The following HOOK3 variants were observed in gnomAD, a reference collection of about 807,000 sequenced individuals.
HOOK3 encodes the protein protein Hook homolog 3.
In HOOK3, 24 loss-of-function variants were observed where a neutral mutation model predicts 116.3. That is an observed-to-expected ratio of 0.21 (90% CI 0.15 to 0.29). The LOEUF is 0.29. Ranked by LOEUF, HOOK3 falls within the 10% of genes least tolerant of loss-of-function variation. HOOK3 has a pLI of 1.00. For missense variants in HOOK3, 632 were observed against 830.2 expected (o/e 0.76, Z 2.93); for synonymous variants, 275 against 283.0 (o/e 0.97, Z 0.28).
At chr8:42,921,179 G>A (rs1254546348) in intron 2 of HOOK3, among the ~76,000 whole-genome samples, 3 of 149,482 alleles carry the variant, frequency 2.0e-5, no homozygotes. Context: ...TTTTTTTAAA[G>A]TAAGGGATTT....
At chr8:42,965,087 C>A (rs1022262516) in intron 9 of HOOK3, among the ~76,000 whole-genome samples, 2 of 152,168 alleles carry the variant, frequency 1.3e-5, no homozygotes, top group East Asian at 3.8e-4. Context: ...CAAGAAAGAC[C>A]GAGGAAGAAC....
rs956168733 is a variant in HOOK3 at position 43,022,669 on chromosome 8, C to T, written c.*4171C>T. The T allele has an allele frequency of 1.6e-5, 3 of 182,516 alleles. No individual in the cohort carries two copies. Among genetic ancestry groups the T allele is most frequent in the Non-Finnish European group, 2.3e-5 (2 of 85,864 alleles). 11.3% of individuals were successfully genotyped at this position (182,516 alleles called of 1,614,324 possible). A position where few individuals can be genotyped will look rare whatever the true frequency, so the allele number is the denominator to read the frequency against. On this transcript the variant is annotated 3_prime_UTR_variant, in exon 22 of 22. Coordinates refer to ENST00000307602, the MANE Select transcript of HOOK3 (RefSeq NM_032410.4). ...CATATTTTTAAAGAACTTTGAAAAA[C>T]TCCGTCATATCTTTTACCATTTGTC...
intron 6 of HOOK3, among the ~76,000 whole-genome samples, chr8:42,955,695 A>G (rs1396298549): frequency 6.6e-5 from 10 of 152,134 alleles, no homozygotes; most frequent in Non-Finnish European, 7.4e-5. Context: ...AGACTGAAAG[A>G]CAAGAAGAAA....
intron 2 of HOOK3, among the ~76,000 whole-genome samples, chr8:42,925,068 G>GT (rs1296184509): frequency 6.6e-6 from 1 of 151,984 alleles, no homozygotes; most frequent in East Asian, 1.9e-4. Flanking sequence ...ATTCTTGACT[G>GT]TTTTTTTGTT....
chr8:42,897,336 A>G (rs936697987), intron 1 of HOOK3, 148 bp downstream of exon 1: 2 of 451,624 alleles, frequency 4.4e-6, no homozygotes, highest in Non-Finnish European at 7.2e-6. Flanking sequence ...GGCTCGGCCC[A>G]GGGTCCGAGA....
At chr8:42,940,815 G>C (rs938673817) in intron 4 of HOOK3, among the ~76,000 whole-genome samples, 2 of 152,154 alleles carry the variant, frequency 1.3e-5, no homozygotes, top group African/African-American at 4.8e-5. Flanking sequence ...GGTTGGGGAA[G>C]TTTTCCTAGA....
intron 2 of HOOK3, among the ~76,000 whole-genome samples, chr8:42,907,343 G>C (rs369742786): frequency 6.6e-6 from 1 of 152,068 alleles, no homozygotes. Context: ...TTAGAACTGG[G>C]GACTCGTGTT....
chr8:42,915,251 A>G (rs1233289164), intron 2 of HOOK3, among the ~76,000 whole-genome samples: 1 of 151,854 alleles, frequency 6.6e-6, no homozygotes, highest in African/African-American at 2.4e-5. Flanking sequence ...GGTGGCGCAT[A>G]CTTGTAGTCC....
At chr8:42,962,047 A>G (rs545281010) in intron 8 of HOOK3, among the ~76,000 whole-genome samples, 16 of 151,936 alleles carry the variant, frequency 1.1e-4, no homozygotes, top group African/African-American at 3.6e-4. Flanking sequence ...TCCGTCTCCC[A>G]AAGTGCTGGG....
intron 17 of HOOK3, among the ~76,000 whole-genome samples, chr8:43,006,776 A>C (rs559942971): frequency 1.3e-5 from 2 of 152,304 alleles, no homozygotes; most frequent in Non-Finnish European, 2.9e-5. Context: ...TTATTAAAGC[A>C]TCATGCATAG....
At chr8:42,920,280 G>T (rs567600354) in intron 2 of HOOK3, among the ~76,000 whole-genome samples, 1 of 152,228 alleles carries the variant, frequency 6.6e-6, no homozygotes, top group Admixed American at 6.5e-5. Context: ...TTTTATTCGA[G>T]CCTGCGACCA....
intron 17 of HOOK3, among the ~76,000 whole-genome samples, chr8:43,003,821 A>G (rs1331768764): frequency 1.3e-5 from 2 of 152,070 alleles, no homozygotes; most frequent in African/African-American, 2.4e-5. Context: ...CCACCTTCAC[A>G]TGTCATTCTT....
intron 5 of HOOK3, among the ~76,000 whole-genome samples, chr8:42,949,864 C>T (rs1788136685): frequency 6.6e-6 from 1 of 151,580 alleles, no homozygotes; most frequent in Non-Finnish European, 1.5e-5. Flanking sequence ...TTGCAGTGAG[C>T]CGAGATGGCG....
At position 43,026,756 on chromosome 8, in the gene HOOK3, C is replaced by T. The variant is rs1371567125; in HGVS notation, c.*8258C>T. On this transcript the variant is annotated 3_prime_UTR_variant, in exon 22 of 22. Coordinates refer to ENST00000307602, the MANE Select transcript of HOOK3 (RefSeq NM_032410.4). ...AGCCAAGTTCTGGGAGCTGTCAAGT[C>T]GGAGGATCAGGAAAATGGTGGGGAA... 4.4e-6 allele frequency: 1 copy of T among 228,276 alleles called. No homozygotes were observed. Among genetic ancestry groups the T allele is most frequent in the African/African-American group, 2.2e-5 (1 of 45,048 alleles). The allele number at this position is 228,276 out of a possible 1,614,324, so 14.1% of individuals were successfully genotyped here.
chr8:42,959,404 A>G, intron 8 of HOOK3, 90 bp downstream of exon 8: 1 of 842,274 alleles, frequency 1.2e-6, no homozygotes, highest in Non-Finnish European at 1.9e-6. Context: ...AGTACATCTT[A>G]ACTATAACGC....
chr8:42,899,356 T>A (rs935292566), intron 1 of HOOK3, among the ~76,000 whole-genome samples: 4 of 152,208 alleles, frequency 2.6e-5, no homozygotes, highest in African/African-American at 7.2e-5. Context: ...TCAATGAGAA[T>A]TTCTGGATAA....
chr8:42,959,845 C>T (rs1044011687), intron 8 of HOOK3, among the ~76,000 whole-genome samples: 3 of 151,018 alleles, frequency 2.0e-5, no homozygotes, highest in African/African-American at 4.9e-5. Flanking sequence ...AAGAGGGGGA[C>T]ATACATGGGA....
intron 15 of HOOK3, among the ~76,000 whole-genome samples, chr8:42,990,323 A>ATTTTTTTTTTTTTTTTTTT (rs1809134171): frequency 1.7e-5 from 1 of 59,388 alleles, no homozygotes; most frequent in Non-Finnish European, 3.4e-5. Flanking sequence ...ATCTGTTTAG[A>ATTTTTTTTTTTTTTTTTTT]TCTTTTTTTT....
chr8:42,923,794 T>C (rs1807709119), intron 2 of HOOK3, among the ~76,000 whole-genome samples: 1 of 152,176 alleles, frequency 6.6e-6, no homozygotes, highest in South Asian at 2.1e-4. Context: ...TGTAAATGGG[T>C]AAATTGTGTC....
Sources: allele counts gnomAD v4.1 joint callset (sites outside exome capture counted in the v4.1 genomes callset), GRCh38; gene constraint gnomAD v4.1.1; transcripts MANE v1.5; gene names NCBI Gene and HGNC (gene_info 2026-07-23, HGNC 2026-07-21).